SYTL3: variants seen among roughly 807,000 people sequenced by gnomAD.
SYTL3 encodes synaptotagmin like 3.
In SYTL3, 88 loss-of-function variants were observed where a neutral mutation model predicts 82.1. The observed-to-expected ratio is 1.07, with a 90% CI of 0.90 to 1.28. The LOEUF (loss-of-function observed/expected upper bound fraction) is 1.28, where lower values mean the gene tolerates loss of function less well. SYTL3 is among the 50% of genes most tolerant of loss of function. SYTL3 has a pLI of 0.00. For missense variants in SYTL3, 831 were observed against 757.6 expected, an observed-to-expected ratio of 1.10 and a Z score of -1.14; for synonymous variants, 311 against 289.4, an observed-to-expected ratio of 1.07 and a Z score of -0.76.
At chr6:158,735,293 T>A (rs1347537761) in intron 11 of SYTL3, among the ~76,000 whole-genome samples, 1 of 152,170 alleles carries the variant, frequency 6.6e-6, no homozygotes, top group Non-Finnish European at 1.5e-5. Flanking sequence ...CCCCATATAC[T>A]CATTAACTTT....
At chr6:158,679,280 G>A (rs1019073045) in intron 5 of SYTL3, among the ~76,000 whole-genome samples, 1 of 152,104 alleles carries the variant, frequency 6.6e-6, no homozygotes, top group Non-Finnish European at 1.5e-5. Context: ...TGAGGAGGGA[G>A]GATCACTTGA....
Position 158,715,524 on chromosome 6 carries a change from C to T in SYTL3, c.595+1646C>T, listed in dbSNP as rs185464523. 1.7e-3 allele frequency among the ~76,000 whole-genome samples: 257 copies of T among 151,474 alleles called. 1 individual carries two copies. Among genetic ancestry groups the T allele is most frequent in the African/African-American group, 5.9e-3 (245 of 41,248 alleles). ...TGGACAACTAGAGCTAGTCCCTGGG[C>T]GAGGTGTGGGGGAATTCACAAGAGC... On this transcript the variant is annotated intron_variant, in intron 9 of 17. Coordinates refer to ENST00000611299, the MANE Select transcript of SYTL3 (RefSeq NM_001242394.2).
At chr6:158,728,706 C>T (rs1254477847) in intron 11 of SYTL3, among the ~76,000 whole-genome samples, 2 of 150,408 alleles carry the variant, frequency 1.3e-5, no homozygotes, top group Non-Finnish European at 1.5e-5. Flanking sequence ...TTTGGGAGGC[C>T]AAGGCGGGTG....
At position 158,663,769 on chromosome 6, in the gene SYTL3, G is replaced by T. The variant is rs559020799; in HGVS notation, c.110+391G>T. The T allele has an allele frequency of 2.2e-3, 517 of 231,502 alleles. 2 individuals carry two copies. The highest frequency in any genetic ancestry group is 0.012 in the African/African-American group (497 of 42,840). 14.3% of individuals were successfully genotyped at this position (231,502 alleles called of 1,614,324 possible). A position where few individuals can be genotyped will look rare whatever the true frequency, so the allele number is the denominator to read the frequency against. On this transcript the variant is annotated intron_variant, in intron 4 of 17. Transcript: ENST00000611299. ...TTCCTACCTCATTTTTGACGGTGCC[G>T]GGAGGTGTAAAGAAAAGCAAAGAAA...
In SYTL3 at chr6:158,724,836, G is replaced by A. The variant is rs143575698; in HGVS notation, c.721-667G>A. The stretch of plus-strand genomic sequence containing the variant: ...TTGAGGTCAGCCTGACCAACATGGT[G>A]AAACCCCATCTCTACTAAAAATACA... On this transcript the variant is annotated intron_variant, in intron 10 of 17. Transcript: ENST00000611299. Among the ~76,000 whole-genome samples, 270 of 152,268 alleles carry A rather than the reference G, an allele frequency of 1.8e-3. 2 individuals carry two copies. In the East Asian group the frequency reaches 0.041, roughly 23 times the overall value.
intron 17 of SYTL3, 58 bp downstream of exon 17, chr6:158,763,567 C>T (rs1011401919): frequency 4.1e-5 from 60 of 1,475,862 alleles, no homozygotes; most frequent in Admixed American, 1.5e-4. Context: ...TAATGGGTAC[C>T]GTGCAAAGAA....
intron 16 of SYTL3, 46 bp downstream of exon 16, chr6:158,762,224 A>G (rs1790072542): frequency 7.2e-7 from 1 of 1,384,112 alleles, no homozygotes; most frequent in East Asian, 2.3e-5. Context: ...TCTAGTATAC[A>G]TCACAACATG....
chr6:158,716,426 C>T (rs1441526696), intron 9 of SYTL3, among the ~76,000 whole-genome samples: 1 of 152,086 alleles, frequency 6.6e-6, no homozygotes, highest in Non-Finnish European at 1.5e-5. Flanking sequence ...AAATTAGAGC[C>T]CCTCACAGCC....
At chr6:158,703,153 TAAA>T (rs71297001) in intron 6 of SYTL3, among the ~76,000 whole-genome samples, 14 of 94,868 alleles carry the variant, frequency 1.5e-4, no homozygotes, top group African/African-American at 4.4e-4. Flanking sequence ...GACTCTGTCT[TAAA>T]AAAAAAAAAA....
chr6:158,704,223 C>G (rs1781685581), intron 6 of SYTL3, among the ~76,000 whole-genome samples: 1 of 152,160 alleles, frequency 6.6e-6, no homozygotes, highest in Non-Finnish European at 1.5e-5. Flanking sequence ...TGGGAACGGG[C>G]ACGCCTGCCC....
intron 13 of SYTL3, among the ~76,000 whole-genome samples, chr6:158,754,108 G>A (rs1357278642): frequency 2.0e-5 from 3 of 152,164 alleles, no homozygotes; most frequent in Non-Finnish European, 2.9e-5. Context: ...ATCAGAGTAC[G>A]ATTCAGGTGG....
chr6:158,714,608 T>C (rs780428077), intron 9 of SYTL3, among the ~76,000 whole-genome samples: 14 of 152,204 alleles, frequency 9.2e-5, no homozygotes, highest in Non-Finnish European at 1.8e-4. Context: ...TTTCTCTGTT[T>C]ATCTTAAAAT....
intron 6 of SYTL3, among the ~76,000 whole-genome samples, chr6:158,692,209 G>C (rs1429241631): frequency 8.6e-6 from 1 of 116,690 alleles, no homozygotes; most frequent in Non-Finnish European, 1.6e-5. Flanking sequence ...AGTGAGCCCA[G>C]ATTGTGCCAC....
At position 158,665,549 on chromosome 6, in the gene SYTL3, G is replaced by A. The variant is rs1220083972; in HGVS notation, c.265G>A (p.Ala89Thr). Residue 89 changes from alanine to threonine, a missense_variant, in exon 5 of 18, where the codon GCC becomes ACC. Ala to Thr is a moderately conservative substitution (Grantham distance 58). Coordinates refer to ENST00000611299, the MANE Select transcript of SYTL3 (RefSeq NM_001242394.2). ...VCRGCSHRVC[A>T]QCRVFLRGTH... Reference sequence around the variant, plus strand: ...CCGGGGCTGCAGCCACCGCGTGTGTGCCCAGTGCCGAGTGTTCCTGAGGGG... The same window carrying A: ...CCGGGGCTGCAGCCACCGCGTGTGTACCCAGTGCCGAGTGTTCCTGAGGGG... 1.9e-6 allele frequency: 3 copies of A among 1,584,808 alleles called. No homozygotes were observed. Among genetic ancestry groups the A allele is most frequent in the African/African-American group, 2.7e-5 (2 of 74,698 alleles).
At position 158,745,565 on chromosome 6, in the gene SYTL3, T is replaced by C. The variant is rs557180630; in HGVS notation, c.941T>C (p.Ile314Thr). The change falls in exon 12 of 18, where the codon ATT becomes ACT. Residue 314 changes from isoleucine to threonine, a missense_variant. Transcript: ENST00000611299. ...ANVTGEIEFAIHYCFKTHSLE... is the reference protein window; with the variant it reads ...ANVTGEIEFATHYCFKTHSLE... ...GTCACTGGAGAAATAGAATTTGCCA[T>C]TCATTATTGCTTCAAAACCCATTCT... 79 of 1,613,892 alleles carry C rather than the reference T, an allele frequency of 4.9e-5. 1 individual carries two copies. In the South Asian group the frequency reaches 8.2e-4, roughly 17 times the overall value.
intron 11 of SYTL3, among the ~76,000 whole-genome samples, chr6:158,738,117 A>T (rs140100874): frequency 6.6e-6 from 1 of 152,186 alleles, no homozygotes; most frequent in Admixed American, 6.5e-5. Context: ...AGCAAAGTGC[A>T]TGGCAGGGCA....
chr6:158,742,751 T>C (rs998151889), intron 11 of SYTL3, among the ~76,000 whole-genome samples: 1 of 152,038 alleles, frequency 6.6e-6, no homozygotes, highest in Non-Finnish European at 1.5e-5. Flanking sequence ...CGGCTAATTT[T>C]TTTATTTTTA....
chr6:158,673,402 T>C (rs1406268635), intron 5 of SYTL3, among the ~76,000 whole-genome samples: 1 of 151,924 alleles, frequency 6.6e-6, no homozygotes, highest in Non-Finnish European at 1.5e-5. Context: ...GTTCTCAAGA[T>C]GCTTTCATGC....
chr6:158,735,027 G>A (rs959029376), intron 11 of SYTL3, among the ~76,000 whole-genome samples: 1 of 152,126 alleles, frequency 6.6e-6, no homozygotes, highest in African/African-American at 2.4e-5. Flanking sequence ...CCATACCGGG[G>A]AGTCCAGGCT....
Sources: gnomAD v4.1 joint callset for allele counts (sites outside exome capture counted in the v4.1 genomes callset) on GRCh38, gnomAD v4.1.1 for gene constraint, MANE v1.5 for transcripts, NCBI Gene and HGNC (gene_info 2026-07-23, HGNC 2026-07-21) for gene names.